The following EEPD1 variants were observed in gnomAD, a reference collection of about 807,000 sequenced individuals.
The protein encoded by EEPD1 is endonuclease/exonuclease/phosphatase family domain-containing protein 1.
Under a neutral mutation model 46.3 loss-of-function variants are expected in EEPD1, and 17 were observed. That is an observed-to-expected ratio of 0.37 (90% CI 0.25 to 0.55). The LOEUF (loss-of-function observed/expected upper bound fraction) is 0.55. Among genes scored for constraint, EEPD1 ranks in the 20% least tolerant of loss-of-function variants. EEPD1 has a pLI of 0.83. For synonymous variants in EEPD1, 313 were observed against 315.6 expected (o/e 0.99, Z 0.09); for missense variants, 673 against 745.6 (o/e 0.90, Z 1.13).
rs1554321114 is a variant in EEPD1, at chr7:36,272,510, T to TG, written c.931-8605_931-8604insG. Reference sequence around the variant, plus strand: ...TTTTTCTGGTTTTTTGTTGTTGTTTTTTTTTTTTTTTTGTGCTCCCTTCGC... The same window carrying TG: ...TTTTTCTGGTTTTTTGTTGTTGTTTTGTTTTTTTTTTTTGTGCTCCCTTCGC... On this transcript the variant is annotated intron_variant, in intron 3 of 7. Transcript: ENST00000242108. Among the ~76,000 whole-genome samples the TG allele has an allele frequency of 5.5e-4, 82 of 150,066 alleles. 1 individual carries two copies. Among genetic ancestry groups the TG allele is most frequent in the East Asian group, 1.4e-3 (7 of 5,150 alleles).
intron 2 of EEPD1, among the ~76,000 whole-genome samples, chr7:36,182,894 T>C (rs1785299524): frequency 6.6e-6 from 1 of 152,258 alleles, no homozygotes. Context: ...CTTCAGGCTC[T>C]TTAGGGTATC....
intron 2 of EEPD1, among the ~76,000 whole-genome samples, chr7:36,234,880 A>T (rs1331245528): frequency 6.6e-6 from 1 of 151,594 alleles, no homozygotes; most frequent in Non-Finnish European, 1.5e-5. Flanking sequence ...TCATGCTTTT[A>T]CTGTGTGCTG....
chr7:36,255,806 T>A (rs1786820111), intron 3 of EEPD1, among the ~76,000 whole-genome samples: 1 of 152,198 alleles, frequency 6.6e-6, no homozygotes, highest in African/African-American at 2.4e-5. Context: ...TTTGAAGGGT[T>A]TTTTGTGTCT....
At chr7:36,244,653 C>T (rs1363753171) in intron 3 of EEPD1, among the ~76,000 whole-genome samples, 1 of 152,086 alleles carries the variant, frequency 6.6e-6, no homozygotes, top group Admixed American at 6.6e-5. Flanking sequence ...TGCTGAGCTG[C>T]TGTGTCTGGC....
chr7:36,224,706 C>A (rs1436335859), intron 2 of EEPD1, among the ~76,000 whole-genome samples: 2 of 152,052 alleles, frequency 1.3e-5, no homozygotes, highest in Admixed American at 6.5e-5. Flanking sequence ...TTTTAAGGAT[C>A]CAATAGCAGA....
intron 2 of EEPD1, among the ~76,000 whole-genome samples, chr7:36,210,561 C>T (rs1244539722): frequency 3.3e-5 from 5 of 152,152 alleles, no homozygotes; most frequent in Middle Eastern, 3.2e-3. Context: ...TGTCATCCTG[C>T]GGCTATTAGA....
Position 36,168,342 on chromosome 7 carries a change from A to ATT in EEPD1, c.878+13141_878+13142insTT, listed in dbSNP as rs1304261483. ...TTACACATAAGGAAACTTAAAGAAT[A>ATT]TAAGCTGACTTGAATGAAGTGACGT... is the stretch of plus-strand genomic sequence containing the variant. On this transcript the variant is annotated intron_variant, in intron 2 of 7. Transcript: ENST00000242108. Among the ~76,000 whole-genome samples, 3 of 152,254 alleles carry ATT rather than the reference A, an allele frequency of 2.0e-5. No individual in the cohort carries two copies. The East Asian group carries it at 5.8e-4, about 29-fold the overall frequency.
rs970101837 is a variant in EEPD1 at position 36,153,461 on chromosome 7, A to G, written c.-406A>G. On this transcript the variant is annotated 5_prime_UTR_variant, in exon 1 of 8. Transcript: ENST00000242108. ...GCCTCCGAGCAGCCCTGCGGCTTCTATTCACTCTGGGAGAGCGATGCTAAG... is the reference window on the plus strand; with the variant it reads ...GCCTCCGAGCAGCCCTGCGGCTTCTGTTCACTCTGGGAGAGCGATGCTAAG... 5.3e-5 allele frequency: 8 copies of G among 152,144 alleles called. No homozygotes were observed. The highest frequency in any genetic ancestry group is 8.8e-5 in the Non-Finnish European group (6 of 68,016). 9.4% of individuals were successfully genotyped at this position (152,144 alleles called of 1,614,324 possible). A position where few individuals can be genotyped will look rare whatever the true frequency, so the allele number is the denominator to read the frequency against.
At chr7:36,272,017 G>A (rs1787113703) in intron 3 of EEPD1, among the ~76,000 whole-genome samples, 1 of 151,906 alleles carries the variant, frequency 6.6e-6, no homozygotes, top group Non-Finnish European at 1.5e-5. Flanking sequence ...ACGTAGCTGG[G>A]ATTACAGATG....
At chr7:36,200,961 T>C (rs1186246794) in intron 2 of EEPD1, among the ~76,000 whole-genome samples, 2 of 152,188 alleles carry the variant, frequency 1.3e-5, no homozygotes, top group Non-Finnish European at 1.5e-5. Flanking sequence ...CTAAACCAGA[T>C]GACCTGAGTT....
intron 3 of EEPD1, among the ~76,000 whole-genome samples, chr7:36,250,009 A>C (rs969120862): frequency 6.6e-6 from 1 of 152,166 alleles, no homozygotes; most frequent in African/African-American, 2.4e-5. Flanking sequence ...ACTTGAGCCC[A>C]GGAGTTGGAG....
chr7:36,238,344 C>G (rs1296919432), intron 2 of EEPD1, among the ~76,000 whole-genome samples: 6 of 152,198 alleles, frequency 3.9e-5, no homozygotes, highest in Admixed American at 3.9e-4. Flanking sequence ...GCCTAACCTC[C>G]TGGGAATACA....
chr7:36,229,443 T>C (rs926808552), intron 2 of EEPD1: 7 of 152,128 alleles, frequency 4.6e-5, no homozygotes, highest in African/African-American at 1.7e-4. Flanking sequence ...AGAGGGACTG[T>C]TTGTGCTTTA....
At chr7:36,182,838 C>A (rs1283450538) in intron 2 of EEPD1, among the ~76,000 whole-genome samples, 12 of 152,252 alleles carry the variant, frequency 7.9e-5, no homozygotes. Flanking sequence ...GAAGTTAAAT[C>A]CAGTATCTTG....
intron 2 of EEPD1, among the ~76,000 whole-genome samples, chr7:36,165,411 CTTTTTTTTTTTT>C (rs56236165): frequency 2.4e-4 from 15 of 62,104 alleles, no homozygotes; most frequent in African/African-American, 7.1e-4. Context: ...GATCCATTTC[CTTTTTTTTTTTT>C]TTTTTTTTTT....
Position 36,154,405 on chromosome 7 carries a change from C to T in EEPD1, c.81C>T (p.Ala27=). ...DLSHSRKFSA[A]CNFSNILVNQ... ...CCCATAGCCGCAAGTTCAGCGCAGCCTGTAACTTCAGCAACATTCTAGTGA... is the reference window on the plus strand; with the variant it reads ...CCCATAGCCGCAAGTTCAGCGCAGCTTGTAACTTCAGCAACATTCTAGTGA... The change falls in exon 2 of 8, where the codon GCC becomes GCT. Residue 27 remains alanine (A), a synonymous_variant. Coordinates refer to ENST00000242108, the MANE Select transcript of EEPD1 (RefSeq NM_030636.3). This position sits in a 1 kb window ranked among gnomAD's most constrained non-coding sequence, Gnocchi z 4.2. 3.1e-6 allele frequency: 5 copies of T among 1,614,160 alleles called. No individual in the cohort carries two copies. Among genetic ancestry groups the T allele is most frequent in the Non-Finnish European group, 4.2e-6 (5 of 1,180,040 alleles).
At chr7:36,170,813 C>T (rs1785066213) in intron 2 of EEPD1, among the ~76,000 whole-genome samples, 1 of 152,190 alleles carries the variant, frequency 6.6e-6, no homozygotes, top group East Asian at 1.9e-4. Flanking sequence ...GAGATCCAGT[C>T]CAATGTTTAA....
At chr7:36,293,285 T>C (rs1343861344) in intron 6 of EEPD1, among the ~76,000 whole-genome samples, 1 of 152,198 alleles carries the variant, frequency 6.6e-6, no homozygotes, top group Non-Finnish European at 1.5e-5. Context: ...TGTTCTTGGG[T>C]GAGACGTGTT....
chr7:36,279,342 C>G (rs1336254618), intron 3 of EEPD1, among the ~76,000 whole-genome samples: 2 of 152,174 alleles, frequency 1.3e-5, no homozygotes, highest in East Asian at 3.9e-4. Flanking sequence ...CAGCGTCACT[C>G]CTAGAATAGC....
Sources: allele counts gnomAD v4.1 joint callset (sites outside exome capture counted in the v4.1 genomes callset), GRCh38; gene constraint gnomAD v4.1.1; non-coding constraint Gnocchi (gnomAD v3.1); transcripts MANE v1.5; gene names NCBI Gene and HGNC (gene_info 2026-07-23, HGNC 2026-07-21).